The following RBMS3 variants were observed in gnomAD, a reference collection of about 807,000 sequenced individuals.
RBMS3 encodes RNA binding motif single stranded interacting protein 3, also known as RNA-binding motif, single-stranded-interacting protein 3.
A neutral mutation model predicts 66.8 loss-of-function variants in RBMS3; 27 were observed. The observed-to-expected ratio is 0.40, with a 90% CI of 0.30 to 0.56. The LOEUF (loss-of-function observed/expected upper bound fraction) is 0.56. Among genes scored for constraint, RBMS3 ranks in the 20% least tolerant of loss-of-function variants. The pLI, the probability that RBMS3 is intolerant of heterozygous loss-of-function variation, is 0.40. For synonymous variants in RBMS3, 188 were observed against 183.0 expected, an observed-to-expected ratio of 1.03 and a Z score of -0.22; for missense variants, 513 against 549.5, an observed-to-expected ratio of 0.93 and a Z score of 0.66.
intron 4 of RBMS3, among the ~76,000 whole-genome samples, chr3:29,612,713 C>A (rs75085905): frequency 0.011 from 1,621 of 152,044 alleles, 11 homozygotes; most frequent in Non-Finnish European, 0.015. Context: ...ATAGAAGAGG[C>A]CACTATGGAG....
chr3:29,346,014 T>C (rs2036549387), intron 1 of RBMS3, among the ~76,000 whole-genome samples: 1 of 152,212 alleles, frequency 6.6e-6, no homozygotes, highest in African/African-American at 2.4e-5. Flanking sequence ...GTTATGTTGG[T>C]TTTCCTGTGA....
intron 3 of RBMS3, among the ~76,000 whole-genome samples, chr3:29,544,941 A>G (rs760736289): frequency 1.3e-5 from 2 of 152,186 alleles, no homozygotes; most frequent in African/African-American, 2.4e-5. Flanking sequence ...TATTGAGGCC[A>G]AATCAGATTT....
intron 4 of RBMS3, among the ~76,000 whole-genome samples, chr3:29,730,321 T>G (rs1343578050): frequency 6.8e-6 from 1 of 146,416 alleles, no homozygotes; most frequent in Non-Finnish European, 1.5e-5. Flanking sequence ...GGGGCGGGGA[T>G]GTCAGTAGAC....
intron 6 of RBMS3, among the ~76,000 whole-genome samples, chr3:29,851,717 G>T (rs1268559068): frequency 6.6e-6 from 1 of 152,052 alleles, no homozygotes; most frequent in African/African-American, 2.4e-5. Flanking sequence ...GCCACATTCT[G>T]GTAAATCTGT....
At chr3:29,992,894 G>T (rs888760916) in intron 14 of RBMS3, among the ~76,000 whole-genome samples, 2 of 152,114 alleles carry the variant, frequency 1.3e-5, no homozygotes, top group Non-Finnish European at 2.9e-5. Context: ...CTAAAACTAG[G>T]CTATAAAGAA....
intron 4 of RBMS3, among the ~76,000 whole-genome samples, chr3:29,683,813 G>T (rs1279942535): frequency 2.6e-5 from 4 of 152,172 alleles, no homozygotes; most frequent in Admixed American, 6.5e-5. Context: ...AACTTTTCAT[G>T]ATATGGTTTC....
intron 10 of RBMS3, among the ~76,000 whole-genome samples, chr3:29,906,075 A>G (rs1029989887): frequency 6.6e-6 from 1 of 152,158 alleles, no homozygotes; most frequent in African/African-American, 2.4e-5. Flanking sequence ...AAGAAAAAGA[A>G]CTTTTCGTCT....
chr3:29,604,529 A>C (rs2048257264), intron 4 of RBMS3, among the ~76,000 whole-genome samples: 1 of 151,968 alleles, frequency 6.6e-6, no homozygotes, highest in African/African-American at 2.4e-5. Flanking sequence ...ATTTTTATTG[A>C]ATGTCTCAAA....
chr3:29,613,550 A>T (rs2048562239), intron 4 of RBMS3, among the ~76,000 whole-genome samples: 1 of 152,152 alleles, frequency 6.6e-6, no homozygotes, highest in Non-Finnish European at 1.5e-5. Context: ...TTGTGCTCAT[A>T]CTTTATGATA....
At chr3:29,930,952 A>T (rs1290955604) in intron 10 of RBMS3, among the ~76,000 whole-genome samples, 1 of 152,094 alleles carries the variant, frequency 6.6e-6, no homozygotes, top group African/African-American at 2.4e-5. Flanking sequence ...TAACATTTCT[A>T]ACTAACTACT....
At chr3:29,396,092 G>A (rs563433461) in intron 1 of RBMS3, among the ~76,000 whole-genome samples, 8 of 152,214 alleles carry the variant, frequency 5.3e-5, no homozygotes, top group East Asian at 1.9e-4. Flanking sequence ...ACAATGAGGC[G>A]CAGGTGGATA....
intron 6 of RBMS3, among the ~76,000 whole-genome samples, chr3:29,823,060 C>T (rs551565726): frequency 3.9e-5 from 6 of 152,230 alleles, no homozygotes; most frequent in Non-Finnish European, 5.9e-5. Flanking sequence ...TTTAAATTCA[C>T]ATTTAAAATT....
chr3:29,859,666 C>A (rs139512192), intron 6 of RBMS3, among the ~76,000 whole-genome samples: 31 of 152,216 alleles, frequency 2.0e-4, no homozygotes, highest in African/African-American at 7.0e-4. Context: ...TGTTATTGTA[C>A]ACAAAACATA....
chr3:29,943,197 T>C (rs1401936545), intron 11 of RBMS3, among the ~76,000 whole-genome samples: 2 of 151,706 alleles, frequency 1.3e-5, no homozygotes, highest in Non-Finnish European at 2.9e-5. Context: ...AAAAGAAAAT[T>C]TGGGATTTTT....
At chr3:29,777,614 C>G (rs540105474) in intron 6 of RBMS3, among the ~76,000 whole-genome samples, 1 of 151,926 alleles carries the variant, frequency 6.6e-6, no homozygotes, top group Admixed American at 6.6e-5. Flanking sequence ...AGCACAAGAA[C>G]CCTTTTCATT....
intron 2 of RBMS3, among the ~76,000 whole-genome samples, chr3:29,438,701 T>G (rs2041493804): frequency 6.6e-6 from 1 of 152,198 alleles, no homozygotes; most frequent in Non-Finnish European, 1.5e-5. Flanking sequence ...CCTTGTAATG[T>G]CTTTTTCTTG....
intron 2 of RBMS3, among the ~76,000 whole-genome samples, chr3:29,483,696 C>G (rs1029340948): frequency 6.6e-6 from 1 of 152,176 alleles, no homozygotes. Flanking sequence ...TAGTAATACA[C>G]TGACGTGAAA....
intron 1 of RBMS3, chr3:29,391,260 T>C (rs1268697465): frequency 1.3e-5 from 2 of 154,878 alleles, no homozygotes; most frequent in Non-Finnish European, 2.9e-5. Context: ...GAAAATAACA[T>C]GGAATATTAT....
At chr3:29,900,414 C>T (rs1577098891) in intron 10 of RBMS3, among the ~76,000 whole-genome samples, 1 of 151,680 alleles carries the variant, frequency 6.6e-6, no homozygotes, top group African/African-American at 2.4e-5. Context: ...TGCTAGATTT[C>T]CCATTTTATG....
Sources: allele counts gnomAD v4.1 joint callset (sites outside exome capture counted in the v4.1 genomes callset), GRCh38; gene constraint gnomAD v4.1.1; transcripts MANE v1.5; gene names NCBI Gene and HGNC (gene_info 2026-07-23, HGNC 2026-07-21).